Variants in POLR1H observed in about 807,000 individuals in gnomAD.
POLR1H encodes RNA polymerase I subunit H.
Under a neutral mutation model 15.8 loss-of-function variants are expected in POLR1H, and 5 were observed. The ratio of observed to expected loss-of-function variants is 0.32; its 90% confidence interval spans 0.17 to 0.67. The LOEUF (loss-of-function observed/expected upper bound fraction) is 0.67, where lower values mean the gene tolerates loss of function less well. Ranked by LOEUF, POLR1H falls within the 30% of genes least tolerant of loss-of-function variation. The pLI is 0.74. For missense variants in POLR1H, 100 were observed against 163.4 expected (o/e 0.61, Z 2.11); for synonymous variants, 43 against 58.3 (o/e 0.74, Z 1.20).
At position 30,064,699 on chromosome 6, in the gene POLR1H, C is replaced by T; in HGVS notation, c.*2C>T. The T allele has an allele frequency of 6.2e-7, 1 of 1,608,112 alleles. No individual in the cohort carries two copies. Among genetic ancestry groups the T allele is most frequent in the Non-Finnish European group, 8.5e-7 (1 of 1,178,138 alleles). ...TTCCAGGAGAAGGAAGACTCTTGAC[C>T]TTTTTCCTGGGCAACTCTACAGTCC... On this transcript the variant is annotated 3_prime_UTR_variant, in exon 4 of 4. Transcript: ENST00000332435.
At position 30,061,435 on chromosome 6, in the gene POLR1H, G is replaced by A. The variant is rs1765043608; in HGVS notation, c.-90G>A. 8.7e-6 allele frequency: 13 copies of A among 1,494,266 alleles called. No homozygotes were observed. In the Admixed American group the frequency reaches 2.3e-4, roughly 26 times the overall value. The allele number at this position is 1,494,266 out of a possible 1,614,324, so 92.6% of individuals were successfully genotyped here. On this transcript the variant is annotated 5_prime_UTR_variant, in exon 1 of 4. Coordinates refer to ENST00000332435, the MANE Select transcript of POLR1H (RefSeq NM_170783.4). The surrounding 1 kb of genome is among the most constrained non-coding windows in gnomAD (Gnocchi z 5.0). ...GAGGGTTCGGGTTATATACTCCTAG[G>A]TCCTGGGACAGAATAGTTACGACCT...
In POLR1H at chr6:30,063,268, TC is replaced by T. The variant is rs1765263059; in HGVS notation, c.356+936del. Among the ~76,000 whole-genome samples, 1 of 152,108 alleles carries T rather than the reference TC, an allele frequency of 6.6e-6. No homozygotes were observed. Among genetic ancestry groups the T allele is most frequent in the Non-Finnish European group, 1.5e-5 (1 of 67,986 alleles). On this transcript the variant is annotated intron_variant, in intron 3 of 3. Coordinates refer to ENST00000332435, the MANE Select transcript of POLR1H (RefSeq NM_170783.4). The surrounding 1 kb of genome is among the most constrained non-coding windows in gnomAD (Gnocchi z 4.1). ...GAATTAGTTACTAGAAAGAGGTTTC[TC>T]TCTTCTGTCCTCCATTTCTCTCACC...
Position 30,063,739 on chromosome 6 carries a change from C to A in POLR1H, c.357-934C>A, listed in dbSNP as rs1198515024. Among the ~76,000 whole-genome samples the A allele has an allele frequency of 6.6e-6, 1 of 152,036 alleles. No homozygotes were observed. The highest frequency in any genetic ancestry group is 1.5e-5 in the Non-Finnish European group (1 of 68,014). ...AGGCCTTGGGCGAGTGCTGTATTCT[C>A]AGCATTTGTGTTTCTTTTCTAGGTG... On this transcript the variant is annotated intron_variant, in intron 3 of 3. Coordinates refer to ENST00000332435, the MANE Select transcript of POLR1H (RefSeq NM_170783.4). The surrounding 1 kb of genome is among the most constrained non-coding windows in gnomAD (Gnocchi z 4.1).
rs375914423 is a variant in POLR1H at position 30,063,607 on chromosome 6, G to A, written c.357-1066G>A. Among the ~76,000 whole-genome samples the A allele has an allele frequency of 2.5e-4, 38 of 151,956 alleles. 1 individual carries two copies. In the East Asian group the frequency reaches 3.5e-3, roughly 14 times the overall value. ...CTGCGGATTTTGTGTGTCTGATGCT[G>A]CTGTCTTTTGTTTCTGCTGTCTCTC... On this transcript the variant is annotated intron_variant, in intron 3 of 3. Coordinates refer to ENST00000332435, the MANE Select transcript of POLR1H (RefSeq NM_170783.4). The surrounding 1 kb of genome is among the most constrained non-coding windows in gnomAD (Gnocchi z 4.1).
chr6:30,061,133 T>C (rs1765004456), upstream of POLR1H: 1 of 178,344 alleles, frequency 5.6e-6, no homozygotes, highest in East Asian at 1.5e-4. The surrounding 1 kb of genome is among the most constrained non-coding windows in gnomAD (Gnocchi z 5.0). Flanking sequence ...GCAATCTCCC[T>C]TGGAAGACGT....
Position 30,061,865 on chromosome 6 carries a change from G to A in POLR1H, c.146-52G>A, listed in dbSNP as rs1765103782. The stretch of plus-strand genomic sequence containing the variant: ...AGCCAGGGGAAAGGGGAGGTTTCCG[G>A]TGTCAGCTCTCTCTGGTTGTCTCCA... On this transcript the variant is annotated intron_variant, in intron 1 of 3. Coordinates refer to ENST00000332435, the MANE Select transcript of POLR1H (RefSeq NM_170783.4). This position sits in a 1 kb window ranked among gnomAD's most constrained non-coding sequence, Gnocchi z 5.0. 1 of 1,593,458 alleles carries A rather than the reference G, an allele frequency of 6.3e-7. No individual in the cohort carries two copies. The highest frequency in any genetic ancestry group is 8.6e-7 in the Non-Finnish European group (1 of 1,163,148).
chr6:30,061,610 T>G lies in POLR1H; in HGVS notation c.86T>G (p.Leu29Arg), dbSNP rs541512770. Residue 29 changes from leucine (L) to arginine (R), a missense_variant, in exon 1 of 4, where the codon CTG becomes CGG. By Grantham distance (102) the Leu-to-Arg change is moderately radical (BLOSUM62 -2). Transcript: ENST00000332435. This position sits in a 1 kb window ranked among gnomAD's most constrained non-coding sequence, Gnocchi z 5.0. ...TCAGATTGCGGCTCGGTCCTGCCTC[T>G]GCCCGGGGCTCAGGATACGGTCACC... ...FCSDCGSVLP[L>R]PGAQDTVTCI... The G allele has an allele frequency of 4.4e-5, 71 of 1,613,084 alleles. No individual in the cohort carries two copies. Among genetic ancestry groups the G allele is most frequent in the Non-Finnish European group, 5.9e-5 (70 of 1,180,036 alleles).
In POLR1H at chr6:30,061,734, A is replaced by T; in HGVS notation, c.145+65A>T. Reference sequence around the variant, plus strand: ...GGGTCGGAAGCTTGGGGAACTCAAGATCGGTTGGGTTGAGGAGGGGATCCT... The same window carrying T: ...GGGTCGGAAGCTTGGGGAACTCAAGTTCGGTTGGGTTGAGGAGGGGATCCT... On this transcript the variant is annotated intron_variant, in intron 1 of 3. Coordinates refer to ENST00000332435, the MANE Select transcript of POLR1H (RefSeq NM_170783.4). This position sits in a 1 kb window ranked among gnomAD's most constrained non-coding sequence, Gnocchi z 5.0. 6.2e-7 allele frequency: 1 copy of T among 1,605,536 alleles called. No individual in the cohort carries two copies. Among genetic ancestry groups the T allele is most frequent in the Non-Finnish European group, 8.5e-7 (1 of 1,174,808 alleles).
chr6:30,062,423 CT>C (rs1385615763), intron 3 of POLR1H, 90 bp downstream of exon 3: 3 of 843,788 alleles, frequency 3.6e-6, no homozygotes, highest in Non-Finnish European at 5.9e-6. Flanking sequence ...GGCCGTTTCC[CT>C]TGGTCCCATC....
In POLR1H at chr6:30,061,278, T is replaced by C; in HGVS notation, c.-247T>C. 1 of 419,924 alleles carries C rather than the reference T, an allele frequency of 2.4e-6. No homozygotes were observed. 26.0% of individuals were successfully genotyped at this position (419,924 alleles called of 1,614,324 possible). ...CGCCGCGGGCGCAGAGCTGGCGCTC[T>C]AGCCCACGGAGTTGGTTAACTCCTC... is the stretch of plus-strand genomic sequence containing the variant. On this transcript the variant is annotated 5_prime_UTR_variant, in exon 1 of 4. Coordinates refer to ENST00000332435, the MANE Select transcript of POLR1H (RefSeq NM_170783.4). This position sits in a 1 kb window ranked among gnomAD's most constrained non-coding sequence, Gnocchi z 5.0.
chr6:30,062,715 T>C (rs11963555), intron 3 of POLR1H, among the ~76,000 whole-genome samples: 2,132 of 12,242 alleles, frequency 0.17, 34 homozygotes, highest in East Asian at 0.27. Context: ...CACGCCTGGC[T>C]TTTTTTTTTT....
intron 3 of POLR1H, among the ~76,000 whole-genome samples, chr6:30,062,751 T>TTTTTGA (rs1765211895): frequency 7.2e-6 from 1 of 138,116 alleles, no homozygotes; most frequent in Non-Finnish European, 1.6e-5. Flanking sequence ...TTTGTATTTT[T>TTTTTGA]AGTAGAGATG....
rs1428437410 is a variant in POLR1H at position 30,063,641 on chromosome 6, C to CT, written c.357-1025dup. ...TGTTTCTGCTGTCTCTCTCATAGTG[C>CT]TTTTTTTCTTTGTTTTGTGATTTTT... is the stretch of plus-strand genomic sequence containing the variant. On this transcript the variant is annotated intron_variant, in intron 3 of 3. Transcript: ENST00000332435. This position sits in a 1 kb window ranked among gnomAD's most constrained non-coding sequence, Gnocchi z 4.1. Among the ~76,000 whole-genome samples the CT allele has an allele frequency of 2.0e-5, 3 of 151,882 alleles. No individual in the cohort carries two copies. Among genetic ancestry groups the CT allele is most frequent in the African/African-American group, 7.3e-5 (3 of 41,358 alleles).
Position 30,062,365 on chromosome 6 carries a change from CTG to C in POLR1H, c.356+34_356+35del. ...ATTCTTTCCCCTCCCTCTGCTCAGT[CTG>C]TTTGCTAACTAAACAAATCCAGTGA... On this transcript the variant is annotated intron_variant, in intron 3 of 3. Transcript: ENST00000332435. 2.1e-6 allele frequency: 3 copies of C among 1,443,680 alleles called. No homozygotes were observed. In the Admixed American group the frequency reaches 5.0e-5, roughly 24 times the overall value. The allele number at this position is 1,443,680 out of a possible 1,614,324, so 89.4% of individuals were successfully genotyped here.
chr6:30,063,586 G>A lies in POLR1H; in HGVS notation c.357-1087G>A, dbSNP rs1476473631. ...TATGTCTTATAATTCTGATATCTGC[G>A]GATTTTGTGTGTCTGATGCTGCTGT... On this transcript the variant is annotated intron_variant, in intron 3 of 3. Coordinates refer to ENST00000332435, the MANE Select transcript of POLR1H (RefSeq NM_170783.4). The surrounding 1 kb of genome is among the most constrained non-coding windows in gnomAD (Gnocchi z 4.1). Among the ~76,000 whole-genome samples, 3 of 151,602 alleles carry A rather than the reference G, an allele frequency of 2.0e-5. No individual in the cohort carries two copies. The highest frequency in any genetic ancestry group is 7.3e-5 in the African/African-American group (3 of 41,252).
Position 30,061,777 on chromosome 6 carries a change from G to C in POLR1H, c.145+108G>C. 1.3e-6 allele frequency: 2 copies of C among 1,566,682 alleles called. No individual in the cohort carries two copies. The highest frequency in any genetic ancestry group is 1.7e-6 in the Non-Finnish European group (2 of 1,147,776). Reference sequence around the variant, plus strand: ...GGGATCCTAGAGCAGGACATCAGGCGGTTGTACATTTGGTCTAGCGATGAA... The same window carrying C: ...GGGATCCTAGAGCAGGACATCAGGCCGTTGTACATTTGGTCTAGCGATGAA... On this transcript the variant is annotated intron_variant, in intron 1 of 3. Coordinates refer to ENST00000332435, the MANE Select transcript of POLR1H (RefSeq NM_170783.4). This position sits in a 1 kb window ranked among gnomAD's most constrained non-coding sequence, Gnocchi z 5.0.
upstream of POLR1H, chr6:30,061,217 A>C (rs1459253231): frequency 6.2e-6 from 2 of 325,146 alleles, no homozygotes; most frequent in African/African-American, 2.1e-5. The surrounding 1 kb of genome is among the most constrained non-coding windows in gnomAD (Gnocchi z 5.0). Flanking sequence ...GTCAACGCGA[A>C]AGCCTGACGC....
intron 3 of POLR1H, 58 bp downstream of exon 3, chr6:30,062,391 GATTT>G: frequency 8.0e-7 from 1 of 1,255,318 alleles, no homozygotes; most frequent in Non-Finnish European, 1.2e-6. Flanking sequence ...CAAATCCAGT[GATTT>G]ATTTTTTTGT....
At position 30,061,485 on chromosome 6, in the gene POLR1H, T is replaced by G. The variant is rs1022568617; in HGVS notation, c.-40T>G. ...TCTGGGACAGGAACTCTTCTCTCTT[T>G]TGTTAATAAACTTCCAACTCCCTCC... On this transcript the variant is annotated 5_prime_UTR_variant, in exon 1 of 4. Transcript: ENST00000332435. This position sits in a 1 kb window ranked among gnomAD's most constrained non-coding sequence, Gnocchi z 5.0. The G allele has an allele frequency of 1.7e-5, 28 of 1,608,204 alleles. No individual in the cohort carries two copies. Among genetic ancestry groups the G allele is most frequent in the Non-Finnish European group, 2.4e-5 (28 of 1,176,548 alleles).
Sources: gnomAD v4.1 joint callset for allele counts (sites outside exome capture counted in the v4.1 genomes callset) on GRCh38, gnomAD v4.1.1 for gene constraint, Gnocchi (gnomAD v3.1) non-coding constraint, MANE v1.5 for transcripts, NCBI Gene and HGNC (gene_info 2026-07-23, HGNC 2026-07-21) for gene names.